The following STK11IP variants were observed in gnomAD, a reference collection of about 807,000 sequenced individuals.
The protein encoded by STK11IP is serine/threonine-protein kinase 11-interacting protein.
A neutral mutation model predicts 131.7 loss-of-function variants in STK11IP; 103 were observed. That is an observed-to-expected ratio of 0.78 (90% CI 0.67 to 0.92). The LOEUF is 0.92. Among genes scored for constraint, STK11IP ranks in the 40% least tolerant of loss-of-function variants. STK11IP has a pLI of 0.00. For missense variants in STK11IP, 1,315 were observed against 1,385.7 expected, an observed-to-expected ratio of 0.95 and a Z score of 0.81; for synonymous variants, 557 against 575.6, an observed-to-expected ratio of 0.97 and a Z score of 0.46.
At position 219,608,621 on chromosome 2, in the gene STK11IP, G is replaced by A. The variant is rs1165095094; in HGVS notation, c.1642G>A (p.Gly548Arg). The A allele has an allele frequency of 6.2e-7, 1 of 1,610,448 alleles. No individual in the cohort carries two copies. Among genetic ancestry groups the A allele is most frequent in the Admixed American group, 1.7e-5 (1 of 59,692 alleles). Residue 548 changes from glycine (G) to arginine (R), a missense_variant, in exon 15 of 25, where the codon GGG (glycine) becomes AGG (arginine). Transcript: ENST00000456909. ...CCCCTTGTTGGTGTGTCCCCTGGAG[G>A]GGCCTGAGGGCGTACGGGGCAGGGA... is the stretch of plus-strand genomic sequence containing the variant. ...CRPLLVCPLE[G>R]PEGVRGRECF...
chr2:219,602,454 ATCTG>A lies in STK11IP; in HGVS notation c.439-9_439-6del. ...GGGAGGGTGGGGTAATGAAGCACCC[ATCTG>A]TCTGCTCAGGAGCTCCTCTCAGCCT... On this transcript the variant is annotated splice_polypyrimidine_tract_variant and intron_variant, in intron 5 of 24. Coordinates refer to ENST00000456909, the MANE Select transcript of STK11IP (RefSeq NM_052902.4). The A allele has an allele frequency of 6.2e-7, 1 of 1,606,862 alleles. No homozygotes were observed. The highest frequency in any genetic ancestry group is 8.5e-7 in the Non-Finnish European group (1 of 1,174,460).
In STK11IP at chr2:219,602,450, A is replaced by G. The variant is rs529186973; in HGVS notation, c.439-18A>G. The stretch of plus-strand genomic sequence containing the variant: ...GAAGGGGAGGGTGGGGTAATGAAGC[A>G]CCCATCTGTCTGCTCAGGAGCTCCT... On this transcript the variant is annotated intron_variant, in intron 5 of 24. Transcript: ENST00000456909. 1 of 1,598,524 alleles carries G rather than the reference A, an allele frequency of 6.3e-7. No individual in the cohort carries two copies. The highest frequency in any genetic ancestry group is 1.3e-5 in the African/African-American group (1 of 74,558).
intron 4 of STK11IP, 91 bp from the exon 5 acceptor site, chr2:219,601,897 G>C: frequency 7.6e-7 from 1 of 1,322,122 alleles, no homozygotes; most frequent in Non-Finnish European, 1.1e-6. Context: ...TGGGCTTTGT[G>C]GTCTTCTCCC....
chr2:219,608,948 G>T, intron 15 of STK11IP, 149 bp from the exon 16 acceptor site: 1 of 1,032,932 alleles, frequency 9.7e-7, no homozygotes, highest in South Asian at 1.7e-5. Context: ...CTGGGCTGAG[G>T]AGCAGGGATT....
Position 219,598,196 on chromosome 2 carries a change from G to A in STK11IP, c.61+16G>A, listed in dbSNP as rs1485246354. 3 of 1,536,440 alleles carry A rather than the reference G, an allele frequency of 2.0e-6. No individual in the cohort carries two copies. The highest frequency in any genetic ancestry group is 2.8e-5 in the African/African-American group (2 of 72,540). ...CGGGAGTCCGGTGAGTGGACTTCCGGTTGGGCTGGGCCTCGGACCTCGGAC... is the reference window on the plus strand; with the variant it reads ...CGGGAGTCCGGTGAGTGGACTTCCGATTGGGCTGGGCCTCGGACCTCGGAC... On this transcript the variant is annotated intron_variant, in intron 2 of 24. Coordinates refer to ENST00000456909, the MANE Select transcript of STK11IP (RefSeq NM_052902.4).
chr2:219,614,878 G>A (rs1305340144), intron 23 of STK11IP: 3 of 632,440 alleles, frequency 4.7e-6, no homozygotes, highest in Non-Finnish European at 8.2e-6. Context: ...TAGGGTGGGT[G>A]TGGGGCAGTG....
At chr2:219,603,388 A>G (rs1436010168) in intron 7 of STK11IP, among the ~76,000 whole-genome samples, 3 of 152,070 alleles carry the variant, frequency 2.0e-5, no homozygotes, top group African/African-American at 4.8e-5. Context: ...GAAGTACCCA[A>G]TGTTGCTTAG....
rs746571808 is a variant in STK11IP at position 219,606,842 on chromosome 2, T to A, written c.1118T>A (p.Leu373Gln). 1 of 1,612,120 alleles carries A rather than the reference T, an allele frequency of 6.2e-7. No homozygotes were observed. Among genetic ancestry groups the A allele is most frequent in the Admixed American group, 1.7e-5 (1 of 59,820 alleles). ...LSSGGVVTQP[L>Q]LHKVKSRVRV... Reference sequence around the variant, plus strand: ...TCAGGGGGTGTTGTGACCCAGCCCCTGCTTCATAAGGTTAAGGTAAGCAGC... The same window carrying A: ...TCAGGGGGTGTTGTGACCCAGCCCCAGCTTCATAAGGTTAAGGTAAGCAGC... Residue 373 changes from leucine (L) to glutamine (Q), a missense_variant, in exon 12 of 25, where the codon CTG becomes CAG. Coordinates refer to ENST00000456909, the MANE Select transcript of STK11IP (RefSeq NM_052902.4).
chr2:219,606,926 G>A (rs1004490184), intron 12 of STK11IP, 68 bp downstream of exon 12: 1 of 1,586,096 alleles, frequency 6.3e-7, no homozygotes, highest in Non-Finnish European at 8.6e-7. Context: ...GGGCTACAGT[G>A]GGCAGGGAAT....
chr2:219,606,839 C>T lies in STK11IP; in HGVS notation c.1115C>T (p.Pro372Leu), dbSNP rs777127863. The T allele has an allele frequency of 6.2e-6, 10 of 1,612,066 alleles. No homozygotes were observed. In the Admixed American group the frequency reaches 1.0e-4, roughly 16 times the overall value. The change falls in exon 12 of 25, where the codon CCC (proline) becomes CTC (leucine). Residue 372 changes from proline to leucine, a missense_variant. By Grantham distance (98) the Pro-to-Leu change is moderately conservative. Transcript: ENST00000456909. Reference protein sequence around the residue: ...SLSSGGVVTQPLLHKVKSRVR... With the variant: ...SLSSGGVVTQLLLHKVKSRVR... ...TCCTCAGGGGGTGTTGTGACCCAGC[C>T]CCTGCTTCATAAGGTTAAGGTAAGC...
At chr2:219,613,027 G>T in intron 19 of STK11IP, 101 bp from the exon 20 acceptor site, 1 of 824,172 alleles carries the variant, frequency 1.2e-6, no homozygotes, top group Admixed American at 2.1e-5. Context: ...GGCAGTGGGA[G>T]GGTCAGGCCG....
In STK11IP at chr2:219,615,237, G is replaced by T. The variant is rs1698537461; in HGVS notation, c.3013G>T (p.Gly1005Cys). The T allele has an allele frequency of 6.3e-7, 1 of 1,595,820 alleles. No individual in the cohort carries two copies. The highest frequency in any genetic ancestry group is 8.5e-7 in the Non-Finnish European group (1 of 1,176,084). ...TGAGAAGGTGCCTCCCTCGGGGCCGGGCCCTGCTGTGCGTGTCAGGGAGCA... is the reference window on the plus strand; with the variant it reads ...TGAGAAGGTGCCTCCCTCGGGGCCGTGCCCTGCTGTGCGTGTCAGGGAGCA... The part of the protein sequence containing the change: ...ASEKVPPSGP[G>C]PAVRVREQQP... The change falls in exon 24 of 25, where the codon GGC (glycine) becomes TGC (cysteine). Residue 1005 changes from glycine to cysteine, a missense_variant. By Grantham distance (159) the Gly-to-Cys change is radical. Transcript: ENST00000456909.
At chr2:219,601,766 C>A in intron 4 of STK11IP, 51 bp downstream of exon 4, 1 of 1,557,226 alleles carries the variant, frequency 6.4e-7, no homozygotes, top group Non-Finnish European at 8.7e-7. Context: ...TTGAGGCAGC[C>A]CCTTGGGGAT....
intron 7 of STK11IP, among the ~76,000 whole-genome samples, chr2:219,605,143 A>G (rs1303855975): frequency 1.3e-5 from 2 of 152,104 alleles, no homozygotes; most frequent in Non-Finnish European, 1.5e-5. Flanking sequence ...TGGGCATTTT[A>G]AAAGAGGGCG....
rs1429998919 is a variant in STK11IP, at chr2:219,602,577, T to C, written c.546+2T>C. 3 of 1,613,630 alleles carry C rather than the reference T, an allele frequency of 1.9e-6. No individual in the cohort carries two copies. The Admixed American group carries it at 5.0e-5, about 27-fold the overall frequency. The stretch of plus-strand genomic sequence containing the variant: ...CTGACCGCCTTAGACAGCTCCCTGG[T>C]GAGTGCCTCAGAGGGAAGAGGGTTT... On this transcript the variant is annotated splice_donor_variant, in intron 6 of 24. Transcript: ENST00000456909. LOFTEE classifies it high-confidence loss of function.
intron 4 of STK11IP, 69 bp downstream of exon 4, chr2:219,601,784 A>T (rs1697994615): frequency 5.9e-6 from 9 of 1,525,556 alleles, no homozygotes; most frequent in Non-Finnish European, 8.0e-6. Flanking sequence ...GATGGGAAAG[A>T]GAAGAGCCTC....
chr2:219,601,637 TC>T lies in STK11IP; in HGVS notation c.268-3del. On this transcript the variant is annotated splice_region_variant and splice_polypyrimidine_tract_variant and intron_variant, in intron 3 of 24. Coordinates refer to ENST00000456909, the MANE Select transcript of STK11IP (RefSeq NM_052902.4). ...AGTAAATTGAGTTTTTTTTTTTTTT[TC>T]AGCTGGTCCATGTTGCTGGTCCTGG... 1 of 1,583,896 alleles carries T rather than the reference TC, an allele frequency of 6.3e-7. No homozygotes were observed. The highest frequency in any genetic ancestry group is 8.6e-7 in the Non-Finnish European group (1 of 1,164,368).
rs1698137205 is a variant in STK11IP at position 219,605,939 on chromosome 2, T to TC, written c.746-16dup. The TC allele has an allele frequency of 6.3e-7, 1 of 1,583,828 alleles. No homozygotes were observed. Among genetic ancestry groups the TC allele is most frequent in the Admixed American group, 1.8e-5 (1 of 55,392 alleles). On this transcript the variant is annotated splice_polypyrimidine_tract_variant and intron_variant, in intron 8 of 24. Coordinates refer to ENST00000456909, the MANE Select transcript of STK11IP (RefSeq NM_052902.4). The stretch of plus-strand genomic sequence containing the variant: ...ACTCATCCACATGCTCTTCCTTCCT[T>TC]CTTGCGTCCACCCCAGGCCTAGAGC...
At chr2:219,612,282 C>T (rs900084070) in intron 19 of STK11IP, among the ~76,000 whole-genome samples, 3 of 152,174 alleles carry the variant, frequency 2.0e-5, no homozygotes, top group Non-Finnish European at 2.9e-5. Context: ...TACACAGTGG[C>T]GTGCGTCAGG....
Sources: allele counts gnomAD v4.1 joint callset (sites outside exome capture counted in the v4.1 genomes callset), GRCh38; gene constraint gnomAD v4.1.1; transcripts MANE v1.5; gene names NCBI Gene and HGNC (gene_info 2026-07-23, HGNC 2026-07-21).